Variants in GAREM2 observed in about 807,000 individuals in gnomAD.
The protein encoded by GAREM2 is GRB2 associated regulator of MAPK1 subtype 2.
In GAREM2, 30 loss-of-function variants were observed where a neutral mutation model predicts 55.6. The ratio of observed to expected loss-of-function variants is 0.54; its 90% CI spans 0.40 to 0.73. The LOEUF (loss-of-function observed/expected upper bound fraction) is 0.73. Ranked by LOEUF, GAREM2 falls within the 30% of genes least tolerant of loss-of-function variation. The pLI is 0.00. For missense variants in GAREM2, 1,075 were observed against 1,257.7 expected (o/e 0.85, Z 2.20); for synonymous variants, 550 against 569.1 (o/e 0.97, Z 0.48).
intron 1 of GAREM2, among the ~76,000 whole-genome samples, chr2:26,175,632 T>C (rs543465524): frequency 1.3e-5 from 2 of 152,128 alleles, no homozygotes; most frequent in South Asian, 4.1e-4. Flanking sequence ...TCCCCCCCTC[T>C]CCTTCGAGGT....
At chr2:26,184,164 T>A in intron 3 of GAREM2, 69 bp from the exon 4 acceptor site, 1 of 1,531,926 alleles carries the variant, frequency 6.5e-7, no homozygotes, top group Non-Finnish European at 8.8e-7. Flanking sequence ...CTTTCCAGTC[T>A]CTGGGAGCTG....
chr2:26,197,950 G>A, the GAREM2 span, among the ~76,000 whole-genome samples: 1 of 152,116 alleles, frequency 6.6e-6, no homozygotes, highest in Non-Finnish European at 1.5e-5. Context: ...GTTTTGTGTC[G>A]GGGAATATGT....
At chr2:26,194,571 TG>T (rs752300459), downstream of GAREM2, 1 of 1,597,250 alleles carries the variant, frequency 6.3e-7, no homozygotes, top group Non-Finnish European at 8.6e-7. Flanking sequence ...AATACCAACC[TG>T]GAGGATTCGG....
the GAREM2 span, among the ~76,000 whole-genome samples, chr2:26,200,517 G>C: frequency 3.3e-5 from 5 of 152,134 alleles, no homozygotes; most frequent in Non-Finnish European, 5.9e-5. Flanking sequence ...TGCAGCCTTA[G>C]ACCTGAAGAG....
At position 26,187,565 on chromosome 2, in the gene GAREM2, G is replaced by T; in HGVS notation, c.1933G>T (p.Ala645Ser). The T allele has an allele frequency of 6.5e-7, 1 of 1,545,284 alleles. No individual in the cohort carries two copies. Among genetic ancestry groups the T allele is most frequent in the Non-Finnish European group, 8.7e-7 (1 of 1,143,972 alleles). The change falls in exon 6 of 6, where the codon GCC becomes TCC. Residue 645 changes from alanine (A) to serine (S), a missense_variant. Ala to Ser is a moderately conservative substitution (Grantham distance 99). Transcript: ENST00000401533. ...GPAYPSGPSA[A>S]LSSGPRTTSG... ...TGCCTACCCCTCAGGCCCTTCAGCG[G>T]CCTTGTCTTCTGGGCCCAGAACCAC... is the stretch of plus-strand genomic sequence containing the variant.
chr2:26,196,225 GGTCT>G, the GAREM2 span, among the ~76,000 whole-genome samples: 36 of 152,262 alleles, frequency 2.4e-4, no homozygotes, highest in African/African-American at 8.2e-4. Flanking sequence ...TTCCATCACA[GGTCT>G]GTCTATCTCC....
downstream of GAREM2, chr2:26,193,902 A>C: frequency 4.2e-6 from 3 of 718,104 alleles, no homozygotes; most frequent in Non-Finnish European, 7.4e-6. Flanking sequence ...CAGGCCCAGG[A>C]CTGGTGCTAT....
intron 2 of GAREM2, chr2:26,182,010 G>A (rs1007069455): frequency 4.0e-6 from 4 of 992,728 alleles, no homozygotes; most frequent in Non-Finnish European, 4.8e-6. Context: ...GAGTCACCTT[G>A]TCTTCTCTCG....
chr2:26,183,128 C>G (rs1237036728), intron 3 of GAREM2, 31 bp downstream of exon 3: 2 of 1,548,396 alleles, frequency 1.3e-6, no homozygotes, highest in Non-Finnish European at 1.7e-6. Context: ...GTGTGGTGTC[C>G]CCACACTACT....
chr2:26,196,452 A>C, the GAREM2 span, among the ~76,000 whole-genome samples: 1 of 152,206 alleles, frequency 6.6e-6, no homozygotes, highest in Non-Finnish European at 1.5e-5. Context: ...CACATCAATG[A>C]GTTTTGACAA....
chr2:26,197,103 G>C, the GAREM2 span, among the ~76,000 whole-genome samples: 1 of 152,218 alleles, frequency 6.6e-6, no homozygotes, highest in Admixed American at 6.5e-5. Flanking sequence ...CTGGTTAGCA[G>C]AGGCTAACTG....
chr2:26,203,136 T>G, the GAREM2 span, among the ~76,000 whole-genome samples: 1 of 152,258 alleles, frequency 6.6e-6, no homozygotes, highest in African/African-American at 2.4e-5. Flanking sequence ...CAGAATCTTC[T>G]ACTACAACTT....
chr2:26,178,949 G>GGCGCTGAGTGCACGGCTGGGCTCC (rs1668955363), intron 2 of GAREM2, among the ~76,000 whole-genome samples: 2 of 148,602 alleles, frequency 1.3e-5, no homozygotes, highest in Non-Finnish European at 3.0e-5. Flanking sequence ...TTAACGAGGA[G>GGCGCTGAGTGCACGGCTGGGCTCC]GCGCTGAGTG....
chr2:26,191,378 C>G, downstream of GAREM2: 1 of 1,614,204 alleles, frequency 6.2e-7, no homozygotes, highest in Non-Finnish European at 8.5e-7. Context: ...CCATACAGAT[C>G]CACAAAGCGG....
At chr2:26,204,031 T>TA in the GAREM2 span, 1 of 1,610,250 alleles carries the variant, frequency 6.2e-7, no homozygotes, top group Non-Finnish European at 8.5e-7. Flanking sequence ...AAGGACATTC[T>TA]AACTCTTGCA....
In GAREM2 at chr2:26,184,917, T is replaced by A. The variant is rs1295563845; in HGVS notation, c.1069T>A (p.Tyr357Asn). Residue 357 changes from tyrosine (Y) to asparagine (N), a missense_variant, in exon 4 of 6, where the codon TAC becomes AAC. Tyr to Asn is a moderately radical substitution (Grantham distance 143). Coordinates refer to ENST00000401533, the MANE Select transcript of GAREM2 (RefSeq NM_001168241.2). ...YCRERFDPDE[Y>N]STAVREAPAE... ...CCGCGAGCGCTTCGACCCCGACGAGTACTCCACGGCCGTGCGCGAGGCGCC... is the reference window on the plus strand; with the variant it reads ...CCGCGAGCGCTTCGACCCCGACGAGAACTCCACGGCCGTGCGCGAGGCGCC... The A allele has an allele frequency of 1.4e-6, 2 of 1,435,850 alleles. No individual in the cohort carries two copies. The highest frequency in any genetic ancestry group is 3.0e-5 in the Admixed American group (1 of 33,828). The allele number at this position is 1,435,850 out of a possible 1,614,324, so 88.9% of individuals were successfully genotyped here.
the GAREM2 span, among the ~76,000 whole-genome samples, chr2:26,203,152 C>T: frequency 3.3e-5 from 5 of 152,228 alleles, no homozygotes; most frequent in Non-Finnish European, 7.3e-5. Flanking sequence ...AACTTGTTAT[C>T]TTACAATAAT....
the GAREM2 span, chr2:26,204,040 CAA>C: frequency 6.2e-7 from 1 of 1,611,860 alleles, no homozygotes; most frequent in Non-Finnish European, 8.5e-7. Flanking sequence ...CTAACTCTTG[CAA>C]AGAGAGAGAG....
Position 26,186,276 on chromosome 2 carries a change from G to A in GAREM2, c.1516G>A (p.Val506Ile), listed in dbSNP as rs982258521. ...GSGRLSSSPPVPPRFPKLQPV... is the reference protein window; with the variant it reads ...GSGRLSSSPPIPPRFPKLQPV... ...CGGCCGGCTCTCCAGCAGCCCCCCG[G>A]TTCCCCCTCGCTTCCCCAAGCTGCA... is the stretch of plus-strand genomic sequence containing the variant. The change falls in exon 5 of 6, where the codon GTT (valine) becomes ATT (isoleucine). Residue 506 changes from valine to isoleucine, a missense_variant. Physicochemically the swap from Val to Ile is conservative, Grantham distance 29. Coordinates refer to ENST00000401533, the MANE Select transcript of GAREM2 (RefSeq NM_001168241.2). The A allele has an allele frequency of 9.0e-6, 14 of 1,550,790 alleles. No individual in the cohort carries two copies. Among genetic ancestry groups the A allele is most frequent in the Non-Finnish European group, 1.2e-5 (14 of 1,146,674 alleles).
Sources: gnomAD v4.1 joint callset for allele counts (sites outside exome capture counted in the v4.1 genomes callset) on GRCh38, gnomAD v4.1.1 for gene constraint, MANE v1.5 for transcripts, NCBI Gene and HGNC (gene_info 2026-07-23, HGNC 2026-07-21) for gene names.